The following LARGE1 variants were observed in gnomAD, a reference collection of about 807,000 sequenced individuals.
LARGE1 encodes xylosyl- and glucuronyltransferase LARGE1.
A neutral mutation model predicts 87.6 loss-of-function variants in LARGE1; 43 were observed. That is an observed-to-expected ratio of 0.49 (90% confidence interval 0.38 to 0.63). LARGE1 has a LOEUF of 0.63. Ranked by LOEUF, LARGE1 falls within the 30% of genes least tolerant of loss-of-function variation. LARGE1 has a pLI of 0.00. For missense variants in LARGE1, 802 were observed against 1,000.2 expected (o/e 0.80, Z 2.67); for synonymous variants, 434 against 394.6 (o/e 1.10, Z -1.18).
At chr22:33,397,366 T>G (rs5998917) in intron 7 of LARGE1, among the ~76,000 whole-genome samples, 1 of 152,052 alleles carries the variant, frequency 6.6e-6, no homozygotes, top group Non-Finnish European at 1.5e-5. Flanking sequence ...CCTACCGCCT[T>G]GGCCTCCCAA....
chr22:33,354,707 G>A (rs907198373), intron 9 of LARGE1, among the ~76,000 whole-genome samples: 2 of 152,206 alleles, frequency 1.3e-5, no homozygotes, highest in African/African-American at 2.4e-5. Flanking sequence ...CTGAAACAAT[G>A]AGTATAAAAT....
In LARGE1 at chr22:33,708,878, C is replaced by T. The variant is rs12157409; in HGVS notation, c.106+52493G>A. On this transcript the variant is annotated intron_variant, in intron 2 of 14. Transcript: ENST00000397394. ...CCTCCCAAAGTGCTGGGATTACAGG[C>T]GCGAGCCATCACCCCCAGCCCAGAG... Among the ~76,000 whole-genome samples, 1,337 of 152,272 alleles carry T rather than the reference C, an allele frequency of 8.8e-3. 15 individuals carry two copies. The highest frequency in any genetic ancestry group is 0.028 in the African/African-American group (1,181 of 41,554).
At chr22:33,604,064 G>C (rs2079183061) in intron 5 of LARGE1, among the ~76,000 whole-genome samples, 1 of 152,138 alleles carries the variant, frequency 6.6e-6, no homozygotes, top group Non-Finnish European at 1.5e-5. Flanking sequence ...ATCAGTAAGT[G>C]ACAACAGGCA....
intron 6 of LARGE1, among the ~76,000 whole-genome samples, chr22:33,458,394 G>A (rs1035552535): frequency 3.3e-5 from 5 of 151,344 alleles, no homozygotes; most frequent in African/African-American, 1.2e-4. Context: ...GTGAGCCACC[G>A]TGCCCGGCCA....
the LARGE1 span, among the ~76,000 whole-genome samples, chr22:33,152,302 C>G: frequency 6.6e-6 from 1 of 152,200 alleles, no homozygotes; most frequent in Non-Finnish European, 1.5e-5. Flanking sequence ...GGCATGCTGG[C>G]TGGTGCTGGC....
the LARGE1 span, among the ~76,000 whole-genome samples, chr22:33,136,934 T>TAAAAAA: frequency 6.8e-6 from 1 of 147,810 alleles, no homozygotes; most frequent in African/African-American, 2.5e-5. Context: ...AATATTAAGG[T>TAAAAAA]AAAAAAAAAA....
intron 3 of LARGE1, among the ~76,000 whole-genome samples, chr22:33,647,704 T>C (rs552640124): frequency 6.6e-6 from 1 of 152,324 alleles, no homozygotes; most frequent in Admixed American, 6.5e-5. Context: ...CATTAGAATT[T>C]CCCTCAAGTT....
intron 1 of LARGE1, among the ~76,000 whole-genome samples, chr22:33,762,307 A>C (rs1255978851): frequency 6.6e-6 from 1 of 151,756 alleles, no homozygotes; most frequent in East Asian, 1.9e-4. Context: ...AAAGATCTAT[A>C]ACAACCCCAA....
chr22:33,173,811 C>T (rs1285213183), intron 11 of LARGE1, among the ~76,000 whole-genome samples: 1 of 152,140 alleles, frequency 6.6e-6, no homozygotes, highest in Non-Finnish European at 1.5e-5. Flanking sequence ...TATATATGCA[C>T]CCAATACAAG....
chr22:33,150,892 C>T, the LARGE1 span, among the ~76,000 whole-genome samples: 1 of 152,034 alleles, frequency 6.6e-6, no homozygotes, highest in Non-Finnish European at 1.5e-5. Context: ...GATTCATCCG[C>T]TTTATTTTTT....
chr22:33,331,266 C>T (rs1226253397), intron 10 of LARGE1, among the ~76,000 whole-genome samples: 1 of 152,154 alleles, frequency 6.6e-6, no homozygotes, highest in Non-Finnish European at 1.5e-5. Context: ...GGTCATGTGT[C>T]TATTAAATGA....
intron 12 of LARGE1, among the ~76,000 whole-genome samples, chr22:33,299,221 A>T (rs1280614078): frequency 6.6e-6 from 1 of 151,956 alleles, no homozygotes; most frequent in Non-Finnish European, 1.5e-5. Context: ...AGGAAGCAGT[A>T]TGGAAAGAAA....
At chr22:33,550,016 G>C (rs1484060003) in intron 6 of LARGE1, among the ~76,000 whole-genome samples, 1 of 152,034 alleles carries the variant, frequency 6.6e-6, no homozygotes, top group African/African-American at 2.4e-5. Flanking sequence ...GGATGGGGGA[G>C]GGTTAGCATT....
At chr22:33,339,621 T>C (rs9680635) in intron 9 of LARGE1, among the ~76,000 whole-genome samples, 19,983 of 151,892 alleles carry the variant, frequency 0.13, 2,719 homozygotes, top group African/African-American at 0.35. Context: ...GAAGGCCTTG[T>C]AGACAGTTTG....
Position 33,410,977 on chromosome 22 carries a change from C to T in LARGE1, c.892+21184G>A, listed in dbSNP as rs188774368. Among the ~76,000 whole-genome samples the T allele has an allele frequency of 3.9e-5, 6 of 152,298 alleles. No individual in the cohort carries two copies. In the East Asian group the frequency reaches 7.7e-4, roughly 20 times the overall value. On this transcript the variant is annotated intron_variant, in intron 7 of 14. Coordinates refer to ENST00000397394, the MANE Select transcript of LARGE1 (RefSeq NM_133642.5). ...CATCACAAATGTGTCTTCAAGGAAACCACGTTCTGAATGATGGCCAGATTA... is the reference window on the plus strand; with the variant it reads ...CATCACAAATGTGTCTTCAAGGAAATCACGTTCTGAATGATGGCCAGATTA...
intron 7 of LARGE1, among the ~76,000 whole-genome samples, chr22:33,385,230 T>A (rs2065281868): frequency 6.7e-6 from 1 of 148,612 alleles, no homozygotes; most frequent in Admixed American, 6.7e-5. Context: ...TATCCTTTTG[T>A]GTTTTTTAAA....
At chr22:33,746,189 C>T (rs959218372) in intron 2 of LARGE1, among the ~76,000 whole-genome samples, 1 of 152,116 alleles carries the variant, frequency 6.6e-6, no homozygotes, top group Non-Finnish European at 1.5e-5. Context: ...TTGCAGTGAG[C>T]AGAGATCACA....
chr22:33,206,807 G>T (rs1350279621), intron 11 of LARGE1, among the ~76,000 whole-genome samples: 1 of 152,170 alleles, frequency 6.6e-6, no homozygotes, highest in Non-Finnish European at 1.5e-5. Flanking sequence ...AAGACAAAAT[G>T]ATTTTGTTTT....
At chr22:33,807,482 A>G (rs2086349062) in intron 1 of LARGE1, among the ~76,000 whole-genome samples, 1 of 152,230 alleles carries the variant, frequency 6.6e-6, no homozygotes, top group African/African-American at 2.4e-5. Context: ...ATACCCCATC[A>G]GAGTGGTAAG....
Sources: allele counts gnomAD v4.1 joint callset (sites outside exome capture counted in the v4.1 genomes callset), GRCh38; gene constraint gnomAD v4.1.1; transcripts MANE v1.5; gene names NCBI Gene and HGNC (gene_info 2026-07-23, HGNC 2026-07-21).